LHFPL3: variants seen among roughly 807,000 people sequenced by gnomAD.
The protein encoded by LHFPL3 is LHFPL tetraspan subfamily member 3 protein.
In LHFPL3, 5 loss-of-function variants were observed where a neutral mutation model predicts 19.3. The ratio of observed to expected loss-of-function variants is 0.26; its 90% CI spans 0.14 to 0.54. The LOEUF (loss-of-function observed/expected upper bound fraction) is 0.54. Among genes scored for constraint, LHFPL3 ranks in the 20% least tolerant of loss-of-function variants. The pLI is 0.94. For missense variants in LHFPL3, 249 were observed against 307.4 expected (o/e 0.81, Z 1.42); for synonymous variants, 133 against 126.2 (o/e 1.05, Z -0.36).
At chr7:104,430,383 C>CATGTATATATATATATATACGTGT (rs1791941390) in intron 1 of LHFPL3, among the ~76,000 whole-genome samples, 1 of 39,702 alleles carries the variant, frequency 2.5e-5, no homozygotes, top group Non-Finnish European at 4.0e-5. Context: ...TATATATATA[C>CATGTATATATATATATATACGTGT]ATATATATAT....
chr7:104,516,977 A>G (rs570800132), intron 1 of LHFPL3, among the ~76,000 whole-genome samples: 1 of 152,290 alleles, frequency 6.6e-6, no homozygotes, highest in Admixed American at 6.5e-5. Flanking sequence ...AAAAAATGAG[A>G]TCATGTCCTT....
At chr7:104,815,556 C>T (rs907795128) in intron 2 of LHFPL3, among the ~76,000 whole-genome samples, 1 of 152,322 alleles carries the variant, frequency 6.6e-6, no homozygotes, top group East Asian at 1.9e-4. Context: ...TATGGGGGAA[C>T]CTAAATCTGT....
chr7:104,759,438 A>T (rs758952998), intron 2 of LHFPL3, among the ~76,000 whole-genome samples: 13 of 152,180 alleles, frequency 8.5e-5, no homozygotes, highest in Non-Finnish European at 1.8e-4. Flanking sequence ...CTTTTATTTC[A>T]GCATGTAATC....
rs752092531 is a variant in LHFPL3 at position 104,328,798 on chromosome 7, G to T, written c.19G>T (p.Ala7Ser). The change falls in exon 1 of 3, where the codon GCT becomes TCT. Residue 7 changes from alanine to serine, a missense_variant. Coordinates refer to ENST00000424859, the MANE Select transcript of LHFPL3 (RefSeq NM_199000.3). This position sits in a 1 kb window ranked among gnomAD's most constrained non-coding sequence, Gnocchi z 4.6. ...GGGGAGAATGCCCGGAGCCGCCGCC[G>T]CTGCCGCCGCCGCCGCCGCCGCGAT... The part of the protein sequence containing the change: MPGAAA[A>S]AAAAAAAMLP... The T allele has an allele frequency of 1.2e-6, 2 of 1,602,838 alleles. No homozygotes were observed. Among genetic ancestry groups the T allele is most frequent in the Non-Finnish European group, 1.7e-6 (2 of 1,174,550 alleles).
rs750274423 is a variant in LHFPL3 at position 104,736,809 on chromosome 7, A to G, written c.580A>G (p.Ile194Val). 1 of 1,613,384 alleles carries G rather than the reference A, an allele frequency of 6.2e-7. No individual in the cohort carries two copies. The highest frequency in any genetic ancestry group is 1.3e-5 in the African/African-American group (1 of 75,014). ...CSVRWAYILA[I>V]IGILDALILS... ...AGTCCGCTGGGCATACATCCTGGCTATTATTGGAATTTTGGATGCCCTGAT... is the reference window on the plus strand; with the variant it reads ...AGTCCGCTGGGCATACATCCTGGCTGTTATTGGAATTTTGGATGCCCTGAT... Residue 194 changes from isoleucine (I) to valine (V), a missense_variant, in exon 2 of 3, where the codon ATT becomes GTT. Coordinates refer to ENST00000424859, the MANE Select transcript of LHFPL3 (RefSeq NM_199000.3).
intron 1 of LHFPL3, among the ~76,000 whole-genome samples, chr7:104,678,102 G>A (rs116964607): frequency 0.016 from 2,462 of 152,302 alleles, 46 homozygotes; most frequent in Non-Finnish European, 0.027. Flanking sequence ...ACTTCAGCGC[G>A]AGAATTCATA....
At chr7:104,711,900 C>G (rs1206380064) in intron 1 of LHFPL3, among the ~76,000 whole-genome samples, 3 of 152,030 alleles carry the variant, frequency 2.0e-5, no homozygotes, top group Non-Finnish European at 2.9e-5. Flanking sequence ...AGTGAAGAAC[C>G]CATAAGTATC....
intron 2 of LHFPL3, among the ~76,000 whole-genome samples, chr7:104,857,821 C>T (rs1373831436): frequency 6.6e-6 from 1 of 152,158 alleles, no homozygotes; most frequent in Non-Finnish European, 1.5e-5. Flanking sequence ...CTGGCACCCT[C>T]GGTGTAATTC....
intron 1 of LHFPL3, among the ~76,000 whole-genome samples, chr7:104,611,999 T>G (rs1791222083): frequency 6.6e-6 from 1 of 152,176 alleles, no homozygotes; most frequent in Non-Finnish European, 1.5e-5. Context: ...AAAAACGTCT[T>G]TTTTTTCTTC....
chr7:104,855,480 T>G (rs1290400748), intron 2 of LHFPL3, among the ~76,000 whole-genome samples: 1 of 152,202 alleles, frequency 6.6e-6, no homozygotes, highest in African/African-American at 2.4e-5. Context: ...TGCAGAATAT[T>G]TCTTCCTTTC....
At chr7:104,361,792 C>A (rs1050612093) in intron 1 of LHFPL3, among the ~76,000 whole-genome samples, 3 of 152,188 alleles carry the variant, frequency 2.0e-5, no homozygotes, top group African/African-American at 7.2e-5. Flanking sequence ...ACAAGGTAAT[C>A]TTGGAGTAAT....
chr7:104,651,167 G>T (rs1316454106), intron 1 of LHFPL3, among the ~76,000 whole-genome samples: 1 of 152,140 alleles, frequency 6.6e-6, no homozygotes. Flanking sequence ...GTAGAAAACA[G>T]GCTGCAGTTT....
chr7:104,475,777 GA>G (rs1206685311), intron 1 of LHFPL3, among the ~76,000 whole-genome samples: 1 of 152,144 alleles, frequency 6.6e-6, no homozygotes, highest in Non-Finnish European at 1.5e-5. Context: ...AACAAATTTG[GA>G]CACAGTTTTT....
chr7:104,602,083 T>C (rs1028715447), intron 1 of LHFPL3, among the ~76,000 whole-genome samples: 3 of 128,630 alleles, frequency 2.3e-5, no homozygotes, highest in Non-Finnish European at 4.7e-5. Flanking sequence ...TACAGTGGCA[T>C]TATCTCAGTT....
At chr7:104,420,684 T>C (rs6958446) in intron 1 of LHFPL3, among the ~76,000 whole-genome samples, 26,516 of 150,074 alleles carry the variant, frequency 0.18, 3,687 homozygotes, top group African/African-American at 0.38. Context: ...CTCAGCCTCC[T>C]GCGTAGCTGG....
chr7:104,726,687 A>ATTCCATGGTG (rs1793597636), intron 1 of LHFPL3, among the ~76,000 whole-genome samples: 1 of 152,178 alleles, frequency 6.6e-6, no homozygotes. Flanking sequence ...GATGCATGGT[A>ATTCCATGGTG]TTCCATGGTG....
chr7:104,823,561 A>G (rs767199025), intron 2 of LHFPL3, among the ~76,000 whole-genome samples: 2 of 152,194 alleles, frequency 1.3e-5, no homozygotes, highest in African/African-American at 2.4e-5. Flanking sequence ...TGAAAATTGT[A>G]TTTCACAGTT....
chr7:104,769,155 A>C (rs1037056587), intron 2 of LHFPL3: 1 of 152,250 alleles, frequency 6.6e-6, no homozygotes. Context: ...TTATCTATAG[A>C]AGCACAGTTG....
At chr7:104,433,193 C>T (rs1792033974) in intron 1 of LHFPL3, among the ~76,000 whole-genome samples, 2 of 152,140 alleles carry the variant, frequency 1.3e-5, no homozygotes. Context: ...CCTTGAATAA[C>T]ACAAGCACAT....
Sources: allele counts gnomAD v4.1 joint callset (sites outside exome capture counted in the v4.1 genomes callset), GRCh38; gene constraint gnomAD v4.1.1; non-coding constraint Gnocchi (gnomAD v3.1); transcripts MANE v1.5; gene names NCBI Gene and HGNC (gene_info 2026-07-23, HGNC 2026-07-21).